Variants in ST14 observed in about 807,000 individuals in gnomAD.
ST14 encodes the protein suppressor of tumorigenicity 14 protein.
ST14 carries 40 observed loss-of-function variants against 96.5 expected under a neutral mutation model. The ratio of observed to expected loss-of-function variants is 0.41; its 90% confidence interval spans 0.32 to 0.54. The LOEUF is 0.54. ST14 is among the 20% of genes least tolerant of loss of function. The pLI is 0.17. For synonymous variants in ST14, 506 were observed against 492.1 expected (o/e 1.03, Z -0.37); for missense variants, 1,066 against 1,188.9 (o/e 0.90, Z 1.52).
chr11:130,206,801 C>T (rs1453099812), intron 16 of ST14, among the ~76,000 whole-genome samples: 5 of 152,150 alleles, frequency 3.3e-5, no homozygotes, highest in Non-Finnish European at 7.4e-5. Flanking sequence ...CTCCTAACCT[C>T]AGGCGATCCA....
At chr11:130,170,142 C>A (rs1040041209) in intron 1 of ST14, among the ~76,000 whole-genome samples, 1 of 152,136 alleles carries the variant, frequency 6.6e-6, no homozygotes, top group Non-Finnish European at 1.5e-5. Context: ...AGGAGAGATC[C>A]GGCAAAGTCG....
At chr11:130,201,162 G>A (rs1423921342) in intron 16 of ST14, among the ~76,000 whole-genome samples, 1 of 152,240 alleles carries the variant, frequency 6.6e-6, no homozygotes, top group Non-Finnish European at 1.5e-5. Context: ...GGGTCACATG[G>A]GCATCCCAGG....
chr11:130,194,600 G>C, intron 8 of ST14, 40 bp from the exon 9 acceptor site: 3 of 1,606,848 alleles, frequency 1.9e-6, no homozygotes, highest in Non-Finnish European at 2.6e-6. Context: ...CGGCCGGGCA[G>C]GTTCCTGATC....
rs772981617 is a variant in ST14, at chr11:130,208,391, T to C, written c.1995-19T>C. 1.9e-6 allele frequency: 3 copies of C among 1,613,856 alleles called. No homozygotes were observed. Among genetic ancestry groups the C allele is most frequent in the South Asian group, 2.2e-5 (2 of 91,090 alleles). On this transcript the variant is annotated intron_variant, in intron 16 of 18. Transcript: ENST00000278742. ...AGACCCGAGTGACCGCGCAGTCTCA[T>C]AGCGGCTCTCCCTACCAGGTACTCA... is the stretch of plus-strand genomic sequence containing the variant.
In ST14 at chr11:130,194,762, G is replaced by A. The variant is rs562468279; in HGVS notation, c.1113+25G>A. On this transcript the variant is annotated intron_variant, in intron 9 of 18. Transcript: ENST00000278742. ...GGTAGGAGCTATGGGGCGTGTGAAC[G>A]TGTGTGTGTGTGAGCATGTATGTGC... is the stretch of plus-strand genomic sequence containing the variant. The A allele has an allele frequency of 5.7e-6, 8 of 1,415,734 alleles. No individual in the cohort carries two copies. The Admixed American group carries it at 8.4e-5, about 15-fold the overall frequency. The allele number at this position is 1,415,734 out of a possible 1,614,324, so 87.7% of individuals were successfully genotyped here.
chr11:130,184,247 C>T lies in ST14; in HGVS notation c.82-3867C>T, dbSNP rs534460138. 1.1e-4 allele frequency among the ~76,000 whole-genome samples: 16 copies of T among 152,302 alleles called. 1 individual carries two copies. In the South Asian group the frequency reaches 3.1e-3, roughly 30 times the overall value. On this transcript the variant is annotated intron_variant, in intron 1 of 18. Coordinates refer to ENST00000278742, the MANE Select transcript of ST14 (RefSeq NM_021978.4). Reference sequence around the variant, plus strand: ...CCAAAATTGTACACTTAAATATATACACTTTATTTTATGCAATAATACCTC... The same window carrying T: ...CCAAAATTGTACACTTAAATATATATACTTTATTTTATGCAATAATACCTC...
chr11:130,209,204 C>T (rs1207928863), intron 17 of ST14, among the ~76,000 whole-genome samples: 1 of 152,182 alleles, frequency 6.6e-6, no homozygotes, highest in Admixed American at 6.5e-5. Flanking sequence ...TCCCTCACCC[C>T]TGCTTGCCAC....
intron 16 of ST14, among the ~76,000 whole-genome samples, chr11:130,207,018 T>C (rs1953496705): frequency 6.6e-6 from 1 of 152,222 alleles, no homozygotes; most frequent in African/African-American, 2.4e-5. Flanking sequence ...TCACCACTTA[T>C]TTCGGGGTTC....
At position 130,160,043 on chromosome 11, in the gene ST14, T is replaced by C. The variant is rs1952987095; in HGVS notation, c.64T>C (p.Tyr22His). The change falls in exon 1 of 19, where the codon TAC (tyrosine) becomes CAC (histidine). Residue 22 changes from tyrosine (Y) to histidine (H), a missense_variant. Tyr to His is a moderately conservative substitution (Grantham distance 83, BLOSUM62 2). Transcript: ENST00000278742. ...GAAGGACTTCGGCGCGGGACTCAAG[T>C]ACAACTCCCGGCACGAGGTGAGCGC... ...GPKDFGAGLKYNSRHEKVNGL... is the reference protein window; with the variant it reads ...GPKDFGAGLKHNSRHEKVNGL... 7.0e-7 allele frequency: 1 copy of C among 1,436,534 alleles called. No individual in the cohort carries two copies. Among genetic ancestry groups the C allele is most frequent in the Non-Finnish European group, 9.2e-7 (1 of 1,087,236 alleles). The allele number at this position is 1,436,534 out of a possible 1,614,324, so 89.0% of individuals were successfully genotyped here.
chr11:130,190,685 C>A lies in ST14; in HGVS notation c.866C>A (p.Ala289Asp). Residue 289 changes from alanine to aspartate, a missense_variant, in exon 7 of 19, where the codon GCC becomes GAC. Physicochemically the swap from Ala to Asp is moderately radical, Grantham distance 126 (BLOSUM62 -2). Transcript: ENST00000278742. ...YNTLSPMEPHALVQLCGTYPP... is the reference protein window; with the variant it reads ...YNTLSPMEPHDLVQLCGTYPP... The stretch of plus-strand genomic sequence containing the variant: ...ACCCTGAGCCCCATGGAGCCCCACG[C>A]CCTGGTGCAGTGAGTACCCCGGGGG... The A allele has an allele frequency of 6.3e-7, 1 of 1,586,788 alleles. No homozygotes were observed. Among genetic ancestry groups the A allele is most frequent in the Non-Finnish European group, 8.6e-7 (1 of 1,167,390 alleles).
At chr11:130,180,496 C>T (rs2067218385) in intron 1 of ST14, among the ~76,000 whole-genome samples, 1 of 152,162 alleles carries the variant, frequency 6.6e-6, no homozygotes, top group South Asian at 2.1e-4. Context: ...AGTGTAGGGG[C>T]CCTTCCCCAT....
intron 4 of ST14, chr11:130,189,207 T>A: frequency 1.8e-6 from 1 of 565,190 alleles, no homozygotes; most frequent in South Asian, 2.0e-5. Flanking sequence ...CTGTGATTCT[T>A]TGTTGTTTTT....
intron 16 of ST14, among the ~76,000 whole-genome samples, chr11:130,207,061 C>T (rs889849414): frequency 6.6e-6 from 1 of 152,180 alleles, no homozygotes; most frequent in Non-Finnish European, 1.5e-5. Flanking sequence ...CTTTGTGAGG[C>T]CGCATTGCTG....
At chr11:130,183,542 TAAAAA>T (rs751348726) in intron 1 of ST14, among the ~76,000 whole-genome samples, 1 of 126,990 alleles carries the variant, frequency 7.9e-6, no homozygotes. Flanking sequence ...CCCTGTATCT[TAAAAA>T]AAAAAAAAAA....
In ST14 at chr11:130,178,377, G is replaced by C. The variant is rs549379098; in HGVS notation, c.82-9737G>C. Among the ~76,000 whole-genome samples the C allele has an allele frequency of 2.1e-4, 19 of 90,708 alleles. No homozygotes were observed. The African/African-American group carries it at 5.1e-3, about 25-fold the overall frequency. 59.5% of individuals were successfully genotyped at this position (90,708 alleles called of 152,430 possible). ...AGTGAAGAGGGCATCTTGAGGTGCC[G>C]AAGTCCTGCTCTTTTTAAGATGAAG... is the stretch of plus-strand genomic sequence containing the variant. On this transcript the variant is annotated intron_variant, in intron 1 of 18. Transcript: ENST00000278742.
At chr11:130,162,785 T>A (rs1953007266) in intron 1 of ST14, among the ~76,000 whole-genome samples, 1 of 152,208 alleles carries the variant, frequency 6.6e-6, no homozygotes, top group Non-Finnish European at 1.5e-5. Context: ...CTTCTCGATA[T>A]GCACTGGGTG....
chr11:130,183,574 T>C (rs2136209652), intron 1 of ST14, among the ~76,000 whole-genome samples: 1 of 151,484 alleles, frequency 6.6e-6, no homozygotes, highest in South Asian at 2.1e-4. Flanking sequence ...TTGCATTGCA[T>C]CTATAGCTAA....
chr11:130,160,130 G>A, intron 1 of ST14, 70 bp downstream of exon 1: 1 of 1,091,880 alleles, frequency 9.2e-7, no homozygotes, highest in South Asian at 2.6e-5. Context: ...GCGGCGCTGG[G>A]CTCGGCCGGC....
At chr11:130,194,852 ATGTGTG>A (rs58417767) in intron 9 of ST14, 115 bp downstream of exon 9, 174 of 782,446 alleles carry the variant, frequency 2.2e-4, no homozygotes, top group Middle Eastern at 2.8e-4. Context: ...ATATGTGTGC[ATGTGTG>A]TGTGTGTGTG....
Sources: allele counts gnomAD v4.1 joint callset (sites outside exome capture counted in the v4.1 genomes callset), GRCh38; gene constraint gnomAD v4.1.1; transcripts MANE v1.5; gene names NCBI Gene and HGNC (gene_info 2026-07-23, HGNC 2026-07-21).